IGSF3: variants seen among roughly 807,000 people sequenced by gnomAD.
The protein encoded by IGSF3 is immunoglobulin superfamily member 3, also known as glu-Trp-Ile EWI motif-containing protein 3.
IGSF3 carries 23 observed loss-of-function variants against 114.4 expected under a neutral mutation model. That is an observed-to-expected ratio of 0.20 (90% CI 0.14 to 0.28). The LOEUF (loss-of-function observed/expected upper bound fraction) is 0.28, where lower values mean the gene tolerates loss of function less well. Among genes scored for constraint, IGSF3 ranks in the 10% least tolerant of loss-of-function variants. The pLI is 1.00. For missense variants in IGSF3, 1,172 were observed against 1,591.5 expected, an observed-to-expected ratio of 0.74 and a Z score of 4.48; for synonymous variants, 571 against 645.2, an observed-to-expected ratio of 0.88 and a Z score of 1.74.
At position 116,576,413 on chromosome 1, in the gene IGSF3, C is replaced by G. The variant is rs1659343359; in HGVS notation, c.*899G>C. On this transcript the variant is annotated 3_prime_UTR_variant, in exon 11 of 11. Coordinates refer to ENST00000369486, the MANE Select transcript of IGSF3 (RefSeq NM_001007237.3). This position sits in a 1 kb window ranked among gnomAD's most constrained non-coding sequence, Gnocchi z 4.6. ...CAGCTCAGAGCAAGCCAACAGCCAGCCTTTCTCCCTTCCTTCTCTAGTCAC... is the reference window on the plus strand; with the variant it reads ...CAGCTCAGAGCAAGCCAACAGCCAGGCTTTCTCCCTTCCTTCTCTAGTCAC... 6.5e-6 allele frequency: 1 copy of G among 152,738 alleles called. No individual in the cohort carries two copies. The highest frequency in any genetic ancestry group is 1.5e-5 in the Non-Finnish European group (1 of 68,098). The allele number at this position is 152,738 out of a possible 1,614,324, so 9.5% of individuals were successfully genotyped here.
rs1325385251 is a variant in IGSF3, at chr1:116,614,028, T to C, written c.569A>G (p.Glu190Gly). Residue 190 changes from glutamate (E) to glycine (G), a missense_variant, in exon 4 of 11, where the codon GAG becomes GGG. Physicochemically the swap from Glu to Gly is moderately conservative, Grantham distance 98. Around this residue, in one of 3 missense-constraint regions of IGSF3, gnomAD observed 736 missense variants for 1,042.0 expected, o/e 0.71. Coordinates refer to ENST00000369486, the MANE Select transcript of IGSF3 (RefSeq NM_001007237.3). This position sits in a 1 kb window ranked among gnomAD's most constrained non-coding sequence, Gnocchi z 4.5. Reference protein sequence around the residue: ...SVAWLRQKVGEKPVEVISLSR... With the variant: ...SVAWLRQKVGGKPVEVISLSR... Reference sequence around the variant, plus strand: ...CAGGGAGATGACCTCCACGGGCTTCTCGCCAACTTTCTGCCGGAGCCAGGC... The same window carrying C: ...CAGGGAGATGACCTCCACGGGCTTCCCGCCAACTTTCTGCCGGAGCCAGGC... 6.2e-7 allele frequency: 1 copy of C among 1,614,030 alleles called. No homozygotes were observed. The highest frequency in any genetic ancestry group is 1.3e-5 in the African/African-American group (1 of 74,936).
chr1:116,602,353 C>A, intron 6 of IGSF3, among the ~76,000 whole-genome samples: 1 of 125,766 alleles, frequency 8.0e-6, no homozygotes. Flanking sequence ...CCTAACCTTC[C>A]AGGATGGTTA....
chr1:116,590,952 A>T (rs901800966), intron 7 of IGSF3, among the ~76,000 whole-genome samples: 1 of 152,220 alleles, frequency 6.6e-6, no homozygotes, highest in Non-Finnish European at 1.5e-5. Flanking sequence ...CATTCTCTCC[A>T]GGAAGACTTG....
Position 116,596,434 on chromosome 1 carries a change from G to A in IGSF3, c.2029+3507C>T, listed in dbSNP as rs688378. On this transcript the variant is annotated intron_variant, in intron 7 of 10. Coordinates refer to ENST00000369486, the MANE Select transcript of IGSF3 (RefSeq NM_001007237.3). This position sits in a 1 kb window ranked among gnomAD's most constrained non-coding sequence, Gnocchi z 4.1. ...GCGCTGGTTCGGAGCTCTGGTATCC[G>A]CAAGTCTTAGAGCCACCTTGTGGCA... 6.6e-6 allele frequency among the ~76,000 whole-genome samples: 1 copy of A among 152,040 alleles called. No individual in the cohort carries two copies. Among genetic ancestry groups the A allele is most frequent in the South Asian group, 2.1e-4 (1 of 4,830 alleles).
chr1:116,604,100 G>T (rs941616248), intron 5 of IGSF3, 75 bp from the exon 6 acceptor site: 5 of 1,290,288 alleles, frequency 3.9e-6, no homozygotes, highest in East Asian at 2.5e-5. Flanking sequence ...GGAAACAGGA[G>T]AAGGGGTGCA....
At chr1:116,590,627 A>G (rs3904648) in intron 7 of IGSF3, among the ~76,000 whole-genome samples, 3,886 of 152,144 alleles carry the variant, frequency 0.026, 160 homozygotes, top group African/African-American at 0.089. Context: ...CCAGCACTCT[A>G]CTGGTCAGAC....
At position 116,585,002 on chromosome 1, in the gene IGSF3, T is replaced by C; in HGVS notation, c.2491A>G (p.Thr831Ala). Residue 831 changes from threonine to alanine, a missense_variant, in exon 9 of 11, where the codon ACC becomes GCC. Coordinates refer to ENST00000369486, the MANE Select transcript of IGSF3 (RefSeq NM_001007237.3). This position sits in a 1 kb window ranked among gnomAD's most constrained non-coding sequence, Gnocchi z 4.9. ...ACACACTCCAGCTGTACCTGCCGGG[T>C]CTCCAGAACCGACAGGTTCCCCTGG... is the stretch of plus-strand genomic sequence containing the variant. Reference protein sequence around the residue: ...QAQGNLSVLETRQVQLECVVL... With the variant: ...QAQGNLSVLEARQVQLECVVL... 15 of 1,573,590 alleles carry C rather than the reference T, an allele frequency of 9.5e-6. No homozygotes were observed. Among genetic ancestry groups the C allele is most frequent in the Non-Finnish European group, 1.3e-5 (15 of 1,153,714 alleles).
chr1:116,590,838 G>A (rs1660078557), intron 7 of IGSF3, among the ~76,000 whole-genome samples: 1 of 152,052 alleles, frequency 6.6e-6, no homozygotes, highest in Admixed American at 6.6e-5. Flanking sequence ...ACAGACAAAT[G>A]TTCTGAATGG....
Position 116,588,689 on chromosome 1 carries a change from C to G in IGSF3, c.2440+5G>C. On this transcript the variant is annotated splice_donor_5th_base_variant and intron_variant, in intron 8 of 10. Coordinates refer to ENST00000369486, the MANE Select transcript of IGSF3 (RefSeq NM_001007237.3). The surrounding 1 kb of genome is among the most constrained non-coding windows in gnomAD (Gnocchi z 4.9). ...GCCCAGGACAGCCGTGCCCTGCGGC[C>G]TTACCTGGCTGTTTCACAGTGACTT... is the stretch of plus-strand genomic sequence containing the variant. 6.4e-7 allele frequency: 1 copy of G among 1,574,144 alleles called. No homozygotes were observed. The highest frequency in any genetic ancestry group is 1.2e-5 in the South Asian group (1 of 83,716).
chr1:116,580,238 G>A (rs1164534897), intron 9 of IGSF3, among the ~76,000 whole-genome samples: 9 of 152,172 alleles, frequency 5.9e-5, no homozygotes, highest in Non-Finnish European at 1.2e-4. Flanking sequence ...CCCTTGTAGT[G>A]GCTGAATAGT....
In IGSF3 at chr1:116,595,733, G is replaced by A. The variant is rs1348880580; in HGVS notation, c.2029+4208C>T. ...AACCAAGATATTGTCATAAACATTTGGAAAATGAGTGCTAACATTTCCCTT... is the reference window on the plus strand; with the variant it reads ...AACCAAGATATTGTCATAAACATTTAGAAAATGAGTGCTAACATTTCCCTT... On this transcript the variant is annotated intron_variant, in intron 7 of 10. Transcript: ENST00000369486. The surrounding 1 kb of genome is among the most constrained non-coding windows in gnomAD (Gnocchi z 4.2). Among the ~76,000 whole-genome samples the A allele has an allele frequency of 2.0e-5, 3 of 152,174 alleles. No homozygotes were observed. Among genetic ancestry groups the A allele is most frequent in the Non-Finnish European group, 4.4e-5 (3 of 68,032 alleles).
Position 116,579,326 on chromosome 1 carries a change from A to C in IGSF3, c.3334+66T>G. ...TGTTTATTAACCCATAATCAAGCTC[A>C]AATTTATCTTCCAGACACAGTTGGA... On this transcript the variant is annotated intron_variant, in intron 10 of 10. Coordinates refer to ENST00000369486, the MANE Select transcript of IGSF3 (RefSeq NM_001007237.3). This position sits in a 1 kb window ranked among gnomAD's most constrained non-coding sequence, Gnocchi z 6.4. 2 of 1,509,884 alleles carry C rather than the reference A, an allele frequency of 1.3e-6. No homozygotes were observed. The highest frequency in any genetic ancestry group is 1.8e-6 in the Non-Finnish European group (2 of 1,129,550). 93.5% of individuals were successfully genotyped at this position (1,509,884 alleles called of 1,614,324 possible). A position where few individuals can be genotyped will look rare whatever the true frequency, so the allele number is the denominator to read the frequency against.
rs111880595 is a variant in IGSF3, at chr1:116,613,796, G to A, written c.801C>T (p.Ser267=). Residue 267 remains serine (S), a synonymous_variant, in exon 4 of 11, where the codon TCC becomes TCT. Coordinates refer to ENST00000369486, the MANE Select transcript of IGSF3 (RefSeq NM_001007237.3). ...GCTGGACGTTGACCACGGCTCCCTC[G>A]GAACGCTTTCGGGTCATAGCATACC... ...GSWYAMTRKR[S]EGAVVNVQPT... 1.7e-5 allele frequency: 28 copies of A among 1,613,774 alleles called. No homozygotes were observed. The highest frequency in any genetic ancestry group is 4.5e-5 in the East Asian group (2 of 44,888).
intron 2 of IGSF3, among the ~76,000 whole-genome samples, chr1:116,660,383 C>T (rs1329407457): frequency 2.0e-5 from 3 of 151,778 alleles, no homozygotes; most frequent in Admixed American, 1.3e-4. Context: ...CCTAGCTGGT[C>T]TTGAACTGCT....
In IGSF3 at chr1:116,613,813, T is replaced by C. The variant is rs1230631274; in HGVS notation, c.784A>G (p.Met262Val). 3 of 1,613,992 alleles carry C rather than the reference T, an allele frequency of 1.9e-6. No homozygotes were observed. The highest frequency in any genetic ancestry group is 2.2e-5 in the East Asian group (1 of 44,892). ...IQDPDGSWYAMTRKRSEGAVV... is the reference protein window; with the variant it reads ...IQDPDGSWYAVTRKRSEGAVV... ...GCTCCCTCGGAACGCTTTCGGGTCA[T>C]AGCATACCACGACCCATCCGGATCC... The change falls in exon 4 of 11, where the codon ATG (methionine) becomes GTG (valine). Residue 262 changes from methionine (M) to valine (V), a missense_variant. Transcript: ENST00000369486.
Position 116,575,035 on chromosome 1 carries a change from C to T in IGSF3, c.*2277G>A, listed in dbSNP as rs372806342. ...TGTGCAGCACCTACTTCTTTATCGC[C>T]GTGAACTGAAATCTAAGATTTCAAA... On this transcript the variant is annotated 3_prime_UTR_variant, in exon 11 of 11. Coordinates refer to ENST00000369486, the MANE Select transcript of IGSF3 (RefSeq NM_001007237.3). This position sits in a 1 kb window ranked among gnomAD's most constrained non-coding sequence, Gnocchi z 5.6. 6.6e-6 allele frequency: 1 copy of T among 152,638 alleles called. No homozygotes were observed. Among genetic ancestry groups the T allele is most frequent in the East Asian group, 1.9e-4 (1 of 5,184 alleles). The allele number at this position is 152,638 out of a possible 1,614,324, so 9.5% of individuals were successfully genotyped here. A position where few individuals can be genotyped will look rare whatever the true frequency, so the allele number is the denominator to read the frequency against.
rs1225515115 is a variant in IGSF3, at chr1:116,648,382, C to G, written c.43+17902G>C. Reference sequence around the variant, plus strand: ...TCGGTTAGAGAAGAAACAGGATGCACGGGAGATCACACACAGAGTAAGAGG... The same window carrying G: ...TCGGTTAGAGAAGAAACAGGATGCAGGGGAGATCACACACAGAGTAAGAGG... On this transcript the variant is annotated intron_variant, in intron 2 of 10. Coordinates refer to ENST00000369486, the MANE Select transcript of IGSF3 (RefSeq NM_001007237.3). The surrounding 1 kb of genome is among the most constrained non-coding windows in gnomAD (Gnocchi z 4.7). Among the ~76,000 whole-genome samples, 1 of 152,122 alleles carries G rather than the reference C, an allele frequency of 6.6e-6. No homozygotes were observed. Among genetic ancestry groups the G allele is most frequent in the Non-Finnish European group, 1.5e-5 (1 of 68,022 alleles).
At chr1:116,622,582 AC>A (rs1661459047) in intron 2 of IGSF3, among the ~76,000 whole-genome samples, 1 of 152,128 alleles carries the variant, frequency 6.6e-6, no homozygotes, top group Admixed American at 6.5e-5. Flanking sequence ...TTTTCTCAAT[AC>A]CTTTTCTCTA....
Position 116,617,573 on chromosome 1 carries a change from G to C in IGSF3, c.44-1116C>G, listed in dbSNP as rs149766971. Among the ~76,000 whole-genome samples the C allele has an allele frequency of 8.8e-3, 1,334 of 152,298 alleles. 23 individuals are homozygous for C. Among genetic ancestry groups the C allele is most frequent in the African/African-American group, 0.031 (1,280 of 41,562 alleles). On this transcript the variant is annotated intron_variant, in intron 2 of 10. Transcript: ENST00000369486. The stretch of plus-strand genomic sequence containing the variant: ...AAGGCCTTGGAGAGGACTAGCATGG[G>C]TTCCGATGCTGGCTTTGTCACTTAT...
Sources: allele counts gnomAD v4.1 joint callset (sites outside exome capture counted in the v4.1 genomes callset), GRCh38; gene constraint gnomAD v4.1.1; regional missense constraint gnomAD v4.1.1; non-coding constraint Gnocchi (gnomAD v3.1); transcripts MANE v1.5; gene names NCBI Gene and HGNC (gene_info 2026-07-23, HGNC 2026-07-21).